The following DIAPH2 variants were observed in gnomAD, a reference collection of about 807,000 sequenced individuals.
DIAPH2 encodes protein diaphanous homolog 2.
Under a neutral mutation model 92.7 loss-of-function variants are expected in DIAPH2, and 35 were observed. The observed-to-expected ratio is 0.38, with a 90% CI of 0.29 to 0.50. DIAPH2 has a LOEUF of 0.50. Among genes scored for constraint, DIAPH2 ranks in the 20% least tolerant of loss-of-function variants. The pLI, the probability that DIAPH2 is intolerant of heterozygous loss-of-function variation, is 0.94. For synonymous variants in DIAPH2, 301 were observed against 280.4 expected, an observed-to-expected ratio of 1.07 and a Z score of -0.73; for missense variants, 701 against 819.5, an observed-to-expected ratio of 0.86 and a Z score of 1.77.
intron 5 of DIAPH2, among the ~76,000 whole-genome samples, chrX:96,896,928 TATA>T (rs893020081): frequency 1.8e-5 from 2 of 111,747 alleles, no homozygotes; most frequent in Middle Eastern, 4.7e-3. Context: ...TTTATTTCAC[TATA>T]ATATAAGAAA....
In DIAPH2 at chrX:96,686,459, A is replaced by G. The variant is rs143430414; in HGVS notation, c.132+1269A>G. The stretch of plus-strand genomic sequence containing the variant: ...TTATATTCTTCTCTTCCCTTTAGCC[A>G]TTTGTCCTGATTCATCTTTTATGTT... On this transcript the variant is annotated intron_variant, in intron 1 of 26. Transcript: ENST00000324765. Among the ~76,000 whole-genome samples, 248 of 110,084 alleles carry G rather than the reference A, an allele frequency of 2.3e-3. 1 individual carries two copies. The highest frequency in any genetic ancestry group is 7.6e-3 in the African/African-American group (229 of 30,304).
In DIAPH2 at chrX:97,063,700, G is replaced by C. The variant is rs1005349110; in HGVS notation, c.2051-9241G>C. On this transcript the variant is annotated intron_variant, in intron 17 of 26. Coordinates refer to ENST00000324765, the MANE Select transcript of DIAPH2 (RefSeq NM_006729.5). ...CAACAATTATAGCAAGGAGCTTCTA[G>C]ATCCTAATTTGCAGGGGTAGTGTTG... 1.6e-4 allele frequency among the ~76,000 whole-genome samples: 18 copies of C among 111,987 alleles called. No homozygotes were observed. In the Admixed American group the frequency reaches 1.7e-3, roughly 11 times the overall value.
chrX:97,294,774 T>C (rs750270977), intron 23 of DIAPH2, among the ~76,000 whole-genome samples: 1 of 112,154 alleles, frequency 8.9e-6, no homozygotes, highest in Admixed American at 9.5e-5. Context: ...TTAGCAAATA[T>C]TCAACTAATA....
chrX:97,276,307 G>A (rs1470432037), intron 23 of DIAPH2, among the ~76,000 whole-genome samples: 1 of 111,603 alleles, frequency 9.0e-6, no homozygotes, highest in Non-Finnish European at 1.9e-5. Context: ...GGGAGAGGGA[G>A]AACAAGTTTT....
chrX:97,084,727 C>T, intron 19 of DIAPH2, among the ~76,000 whole-genome samples: 1 of 111,012 alleles, frequency 9.0e-6, no homozygotes, highest in East Asian at 2.8e-4. Context: ...AATTGAATGA[C>T]AATAAACTAG....
chrX:96,774,513 C>T (rs2064362664), intron 4 of DIAPH2, among the ~76,000 whole-genome samples: 1 of 111,743 alleles, frequency 8.9e-6, no homozygotes, highest in Non-Finnish European at 1.9e-5. Flanking sequence ...CCGATATGGT[C>T]TTTGTGGCTT....
intron 4 of DIAPH2, among the ~76,000 whole-genome samples, chrX:96,768,459 G>C (rs964786765): frequency 9.0e-6 from 1 of 111,481 alleles, no homozygotes; most frequent in Non-Finnish European, 1.9e-5. Flanking sequence ...CATTATTCCA[G>C]GTGCTGGAAT....
intron 26 of DIAPH2, among the ~76,000 whole-genome samples, chrX:97,485,761 T>G (rs1249263381): frequency 2.7e-5 from 3 of 112,464 alleles, no homozygotes; most frequent in Non-Finnish European, 3.8e-5. Flanking sequence ...TGGCATTGAC[T>G]TATGTGTAAA....
intron 4 of DIAPH2, among the ~76,000 whole-genome samples, chrX:96,876,946 T>G (rs2065184451): frequency 9.1e-6 from 1 of 110,421 alleles, no homozygotes; most frequent in Admixed American, 9.7e-5. Context: ...GCATATTAAA[T>G]TATTTTAAGT....
chrX:97,462,186 A>G (rs1259313163), intron 26 of DIAPH2, among the ~76,000 whole-genome samples: 3 of 111,763 alleles, frequency 2.7e-5, no homozygotes, highest in African/African-American at 9.8e-5. Flanking sequence ...AAATATTTCT[A>G]TCTCCTAACA....
chrX:96,773,702 T>C (rs2064355941), intron 4 of DIAPH2, among the ~76,000 whole-genome samples: 1 of 110,378 alleles, frequency 9.1e-6, no homozygotes, highest in Non-Finnish European at 1.9e-5. Flanking sequence ...ATATCAAAAT[T>C]AGCTGGGTGT....
chrX:97,011,580 T>G (rs1234686544), intron 17 of DIAPH2, among the ~76,000 whole-genome samples: 1 of 111,295 alleles, frequency 9.0e-6, no homozygotes, highest in Non-Finnish European at 1.9e-5. Flanking sequence ...AGCAATTTTG[T>G]TTTTCAAGAA....
intron 23 of DIAPH2, among the ~76,000 whole-genome samples, chrX:97,336,898 A>G (rs1374925937): frequency 9.3e-6 from 1 of 107,852 alleles, no homozygotes; most frequent in Non-Finnish European, 1.9e-5. Flanking sequence ...AATAACTACC[A>G]CATTTGTGAC....
chrX:97,393,048 C>T (rs1200845759), intron 25 of DIAPH2, among the ~76,000 whole-genome samples: 2 of 110,451 alleles, frequency 1.8e-5, no homozygotes, highest in African/African-American at 6.6e-5. Context: ...GGTAGGAGAG[C>T]TAAGGTCATT....
At position 96,916,569 on chromosome X, in the gene DIAPH2, G is replaced by A. The variant is rs756827526; in HGVS notation, c.864G>A (p.Glu288=). 4.2e-6 allele frequency: 5 copies of A among 1,197,506 alleles called. No homozygotes were observed. The highest frequency in any genetic ancestry group is 5.6e-6 in the Non-Finnish European group (5 of 888,032). The change falls in exon 8 of 27, where the codon GAG becomes GAA. Residue 288 remains glutamate (E), a synonymous_variant. Transcript: ENST00000324765. ...ILSAICIVGE[E]NILDKLLGAI... ...CTGCTATTTGCATTGTTGGAGAAGA[G>A]AACATGTAAGTATTGCTATATTATT...
chrX:97,517,043 A>G (rs1032396872), intron 26 of DIAPH2, among the ~76,000 whole-genome samples: 7 of 112,348 alleles, frequency 6.2e-5, no homozygotes, highest in Non-Finnish European at 1.9e-5. Context: ...AATGATTTCT[A>G]CAATCAAGCT....
intron 4 of DIAPH2, among the ~76,000 whole-genome samples, chrX:96,837,492 G>A (rs1244077062): frequency 9.8e-6 from 1 of 102,041 alleles, no homozygotes; most frequent in Non-Finnish European, 2.0e-5. Context: ...AGAGAGCATA[G>A]TCAAGGAAAT....
At chrX:97,410,032 A>AGTGGCTCTCC (rs1412905051) in intron 25 of DIAPH2, among the ~76,000 whole-genome samples, 1 of 112,101 alleles carries the variant, frequency 8.9e-6, no homozygotes, top group Non-Finnish European at 1.9e-5. Context: ...TTCTCCCAGC[A>AGTGGCTCTCC]CAGTGTTTGA....
chrX:97,330,866 C>A (rs1413357368), intron 23 of DIAPH2, among the ~76,000 whole-genome samples: 1 of 110,156 alleles, frequency 9.1e-6, no homozygotes, highest in African/African-American at 3.3e-5. Flanking sequence ...ATGTATAAAC[C>A]ACATTTTCTT....
Sources: gnomAD v4.1 joint callset for allele counts (sites outside exome capture counted in the v4.1 genomes callset) on GRCh38, gnomAD v4.1.1 for gene constraint, MANE v1.5 for transcripts, NCBI Gene and HGNC (gene_info 2026-07-23, HGNC 2026-07-21) for gene names.